Variants in UBE2O observed in about 807,000 individuals in gnomAD.
The protein encoded by UBE2O is (E3-independent) E2 ubiquitin-conjugating enzyme.
UBE2O carries 15 observed loss-of-function variants against 125.8 expected under a neutral mutation model. The observed-to-expected ratio is 0.12, with a 90% CI of 0.08 to 0.18. UBE2O has a LOEUF of 0.18. UBE2O is among the 10% of genes least tolerant of loss of function. UBE2O has a pLI of 1.00. For synonymous variants in UBE2O, 708 were observed against 703.2 expected (o/e 1.01, Z -0.11); for missense variants, 1,280 against 1,723.6 (o/e 0.74, Z 4.56).
chr17:76,401,550 G>A (rs902313360), intron 5 of UBE2O, among the ~76,000 whole-genome samples: 15 of 152,166 alleles, frequency 9.9e-5, no homozygotes, highest in African/African-American at 3.6e-4. Context: ...GAACCTTAAA[G>A]GATGAGAAAA....
chr17:76,402,780 G>T lies in UBE2O; in HGVS notation c.589-81C>A. The T allele has an allele frequency of 1.7e-6, 2 of 1,195,242 alleles. No individual in the cohort carries two copies. Among genetic ancestry groups the T allele is most frequent in the Non-Finnish European group, 2.5e-6 (2 of 802,532 alleles). 74.0% of individuals were successfully genotyped at this position (1,195,242 alleles called of 1,614,324 possible). ...GGCACAGATTCCTCTATGCCCCACCGAAGACAGGATGGGGGAGGATCTAGA... is the reference window on the plus strand; with the variant it reads ...GGCACAGATTCCTCTATGCCCCACCTAAGACAGGATGGGGGAGGATCTAGA... On this transcript the variant is annotated intron_variant, in intron 3 of 17. Transcript: ENST00000319380. The surrounding 1 kb of genome is among the most constrained non-coding windows in gnomAD (Gnocchi z 5.4).
intron 1 of UBE2O, among the ~76,000 whole-genome samples, chr17:76,449,144 T>A (rs2143928434): frequency 1.3e-5 from 2 of 152,392 alleles, no homozygotes; most frequent in South Asian, 4.1e-4. Flanking sequence ...AGTCTCTTCA[T>A]CTCTCTTTGT....
intron 1 of UBE2O, among the ~76,000 whole-genome samples, chr17:76,416,036 T>C (rs546515384): frequency 2.6e-4 from 35 of 132,312 alleles, no homozygotes; most frequent in African/African-American, 3.4e-4. Context: ...CACGTATATA[T>C]GTGTGTGTAC....
At chr17:76,409,709 G>A (rs1211424725) in intron 1 of UBE2O, among the ~76,000 whole-genome samples, 1 of 152,148 alleles carries the variant, frequency 6.6e-6, no homozygotes, top group African/African-American at 2.4e-5. Flanking sequence ...ACACCACTTT[G>A]CACACATGTG....
In UBE2O at chr17:76,405,894, T is replaced by C. The variant is rs2072408743; in HGVS notation, c.418-322A>G. ...CAGATCACATAAGGCTGCACTTTAA[T>C]GAAGGATTTAACAGCCCATTCTACA... On this transcript the variant is annotated intron_variant, in intron 1 of 17. Coordinates refer to ENST00000319380, the MANE Select transcript of UBE2O (RefSeq NM_022066.4). The surrounding 1 kb of genome is among the most constrained non-coding windows in gnomAD (Gnocchi z 6.1). Among the ~76,000 whole-genome samples the C allele has an allele frequency of 6.6e-6, 1 of 152,196 alleles. No individual in the cohort carries two copies. The highest frequency in any genetic ancestry group is 2.4e-5 in the African/African-American group (1 of 41,452).
At chr17:76,397,748 C>T (rs763638453) in intron 13 of UBE2O, 51 bp downstream of exon 13, 23 of 1,586,252 alleles carry the variant, frequency 1.4e-5, no homozygotes, top group Non-Finnish European at 1.9e-5. Context: ...GGCCCCCGGC[C>T]CAAGTTGCCA....
At position 76,396,335 on chromosome 17, in the gene UBE2O, G is replaced by A; in HGVS notation, c.2602C>T (p.Leu868=). 1 of 1,614,202 alleles carries A rather than the reference G, an allele frequency of 6.2e-7. No individual in the cohort carries two copies. The highest frequency in any genetic ancestry group is 1.7e-5 in the Admixed American group (1 of 60,028). ...KKLQENLKKT[L]DNVAIVEEEK... is the part of the protein sequence containing the mutation. ...TCCTCTACAATGGCCACATTGTCCA[G>A]GGTCTTCTTGAGGTTTTCCTGTAGC... Residue 868 remains leucine, a synonymous_variant, in exon 14 of 18, where the codon CTG becomes TTG. Coordinates refer to ENST00000319380, the MANE Select transcript of UBE2O (RefSeq NM_022066.4). The surrounding 1 kb of genome is among the most constrained non-coding windows in gnomAD (Gnocchi z 6.7).
chr17:76,396,678 G>C lies in UBE2O; in HGVS notation c.2259C>G (p.Pro753=), dbSNP rs1295595913. ...GTGGGATGGGGGGCTCCTCTATCTT[G>C]GGGTGCTCGTCCTCCACCAGCCCAT... The part of the protein sequence containing the change: ...TDNGLVEDEH[P]KIEEPPIPPL... The change falls in exon 14 of 18, where the codon CCC becomes CCG. Residue 753 remains proline, a synonymous_variant. Transcript: ENST00000319380. This position sits in a 1 kb window ranked among gnomAD's most constrained non-coding sequence, Gnocchi z 6.7. 8.7e-6 allele frequency: 14 copies of C among 1,613,736 alleles called. No homozygotes were observed. The highest frequency in any genetic ancestry group is 1.2e-5 in the Non-Finnish European group (14 of 1,179,986).
rs1410979059 is a variant in UBE2O, at chr17:76,404,426, T to C, written c.588+780A>G. Reference sequence around the variant, plus strand: ...AGACCCAGGCTGAGGGTCAAATTACTGAATGTATCACTGTTCAGGGCATGG... The same window carrying C: ...AGACCCAGGCTGAGGGTCAAATTACCGAATGTATCACTGTTCAGGGCATGG... On this transcript the variant is annotated intron_variant, in intron 3 of 17. Coordinates refer to ENST00000319380, the MANE Select transcript of UBE2O (RefSeq NM_022066.4). The surrounding 1 kb of genome is among the most constrained non-coding windows in gnomAD (Gnocchi z 4.3). Among the ~76,000 whole-genome samples the C allele has an allele frequency of 6.6e-6, 1 of 152,200 alleles. No individual in the cohort carries two copies. The highest frequency in any genetic ancestry group is 2.4e-5 in the African/African-American group (1 of 41,438).
rs2143683783 is a variant in UBE2O, at chr17:76,396,238, G to A, written c.2699C>T (p.Ala900Val). The change falls in exon 14 of 18, where the codon GCT (alanine) becomes GTT (valine). Residue 900 changes from alanine (A) to valine (V), a missense_variant. Transcript: ENST00000319380. The surrounding 1 kb of genome is among the most constrained non-coding windows in gnomAD (Gnocchi z 6.7). The part of the protein sequence containing the change: ...DKPEGQSPVK[A>V]EWPSETPVLC... ...CACCGGGGTTTCGCTGGGCCACTCA[G>A]CCTTCACAGGTGACTGCCCCTCGGG... The A allele has an allele frequency of 6.2e-7, 1 of 1,614,212 alleles. No individual in the cohort carries two copies.
Position 76,400,560 on chromosome 17 carries a change from G to A in UBE2O, c.895-10C>T, listed in dbSNP as rs1233654195. The A allele has an allele frequency of 6.3e-7, 1 of 1,592,480 alleles. No homozygotes were observed. The highest frequency in any genetic ancestry group is 1.7e-5 in the Admixed American group (1 of 59,270). ...ACTCTACAACCTGCACCTGGGGATG[G>A]CAGGTGGGACACGCCAGTCAGGGCA... On this transcript the variant is annotated splice_polypyrimidine_tract_variant and intron_variant, in intron 6 of 17. Transcript: ENST00000319380. The surrounding 1 kb of genome is among the most constrained non-coding windows in gnomAD (Gnocchi z 4.3).
chr17:76,398,086 G>A lies in UBE2O; in HGVS notation c.2025+169C>T, dbSNP rs1418777307. Reference sequence around the variant, plus strand: ...CAGGGAAACAAGTCCTTCTGCAGCTGCTAGTGCTGAGCGGCAGCTTGACTC... The same window carrying A: ...CAGGGAAACAAGTCCTTCTGCAGCTACTAGTGCTGAGCGGCAGCTTGACTC... On this transcript the variant is annotated intron_variant, in intron 12 of 17. Transcript: ENST00000319380. The surrounding 1 kb of genome is among the most constrained non-coding windows in gnomAD (Gnocchi z 5.4). Among the ~76,000 whole-genome samples the A allele has an allele frequency of 2.0e-5, 3 of 152,256 alleles. No individual in the cohort carries two copies. Among genetic ancestry groups the A allele is most frequent in the Non-Finnish European group, 4.4e-5 (3 of 68,046 alleles).
intron 5 of UBE2O, 66 bp downstream of exon 5, chr17:76,401,998 A>T: frequency 1.3e-6 from 2 of 1,539,524 alleles, no homozygotes; most frequent in Non-Finnish European, 1.8e-6. Context: ...GGTCTTTGCT[A>T]CGAAGTCCTC....
chr17:76,452,159 G>A lies in UBE2O; in HGVS notation c.417+566C>T, dbSNP rs550563103. Among the ~76,000 whole-genome samples the A allele has an allele frequency of 2.3e-4, 35 of 152,230 alleles. No individual in the cohort carries two copies. Among genetic ancestry groups the A allele is most frequent in the African/African-American group, 7.0e-4 (29 of 41,548 alleles). On this transcript the variant is annotated intron_variant, in intron 1 of 17. Coordinates refer to ENST00000319380, the MANE Select transcript of UBE2O (RefSeq NM_022066.4). The surrounding 1 kb of genome is among the most constrained non-coding windows in gnomAD (Gnocchi z 4.4). The stretch of plus-strand genomic sequence containing the variant: ...AATGATTTTACTCACAAAGTTCCCT[G>A]CAGCAATTAAAAGGAGGCAGCAGGG...
intron 1 of UBE2O, among the ~76,000 whole-genome samples, chr17:76,426,418 A>G (rs1212037093): frequency 6.6e-6 from 1 of 152,194 alleles, no homozygotes; most frequent in South Asian, 2.1e-4. Context: ...ACTGGCACAT[A>G]TAATTGTTTA....
At chr17:76,446,332 G>A (rs1046319687) in intron 1 of UBE2O, among the ~76,000 whole-genome samples, 1 of 152,128 alleles carries the variant, frequency 6.6e-6, no homozygotes, top group Non-Finnish European at 1.5e-5. Context: ...CACGACAATT[G>A]CACCCTTTTA....
At chr17:76,401,974 T>G (rs2072334102) in intron 5 of UBE2O, 90 bp downstream of exon 5, 1 of 1,405,548 alleles carries the variant, frequency 7.1e-7, no homozygotes. Context: ...AACCGCTCTG[T>G]TTAGCTGGGT....
In UBE2O at chr17:76,398,908, T is replaced by C. The variant is rs1266044508; in HGVS notation, c.1712A>G (p.Asn571Ser). ...DGSVECNIRS[N>S]DLFPVHHLDN... ...CAGGTGGTGCACAGGGAAGAGGTCGTTGGAGCGGATGTTGCATTCCACGGA... is the reference window on the plus strand; with the variant it reads ...CAGGTGGTGCACAGGGAAGAGGTCGCTGGAGCGGATGTTGCATTCCACGGA... Residue 571 changes from asparagine to serine, a missense_variant, in exon 10 of 18, where the codon AAC (asparagine) becomes AGC (serine). By Grantham distance (46) the Asn-to-Ser change is conservative. Transcript: ENST00000319380. The surrounding 1 kb of genome is among the most constrained non-coding windows in gnomAD (Gnocchi z 5.4). 1.9e-6 allele frequency: 3 copies of C among 1,614,090 alleles called. No individual in the cohort carries two copies. The highest frequency in any genetic ancestry group is 2.2e-5 in the East Asian group (1 of 44,874).
chr17:76,439,686 T>C (rs925121768), intron 1 of UBE2O, among the ~76,000 whole-genome samples: 15 of 152,200 alleles, frequency 9.9e-5, no homozygotes, highest in Non-Finnish European at 2.1e-4. Context: ...GAGGCCTAAG[T>C]CTGAAACCAC....
Sources: allele counts gnomAD v4.1 joint callset (sites outside exome capture counted in the v4.1 genomes callset), GRCh38; gene constraint gnomAD v4.1.1; non-coding constraint Gnocchi (gnomAD v3.1); transcripts MANE v1.5; gene names NCBI Gene and HGNC (gene_info 2026-07-23, HGNC 2026-07-21).